Variants in EYA1 observed in about 807,000 individuals in gnomAD.
EYA1 encodes the protein protein phosphatase EYA1.
EYA1 carries 16 observed loss-of-function variants against 82.0 expected under a neutral mutation model. The observed-to-expected ratio is 0.20, with a 90% CI of 0.13 to 0.30. The LOEUF (loss-of-function observed/expected upper bound fraction) is 0.30, where lower values mean the gene tolerates loss of function less well. Among genes scored for constraint, EYA1 ranks in the 10% least tolerant of loss-of-function variants. EYA1 has a pLI of 1.00. For synonymous variants in EYA1, 261 were observed against 264.4 expected (o/e 0.99, Z 0.12); for missense variants, 633 against 730.7 (o/e 0.87, Z 1.54).
chr8:71,489,335 T>G (rs1351561448), intron 2 of EYA1, among the ~76,000 whole-genome samples: 1 of 152,168 alleles, frequency 6.6e-6, no homozygotes, highest in East Asian at 1.9e-4. Context: ...AGTTTCTTTA[T>G]TATTTTTATT....
chr8:71,275,369 T>C (rs1328802571), intron 9 of EYA1, among the ~76,000 whole-genome samples: 1 of 152,108 alleles, frequency 6.6e-6, no homozygotes, highest in African/African-American at 2.4e-5. Context: ...AGAGTATAGG[T>C]GAGAATTCAG....
Position 71,512,403 on chromosome 8 carries a change from A to T in EYA1, c.33+23341T>A, listed in dbSNP as rs1293690161. 2.6e-5 allele frequency among the ~76,000 whole-genome samples: 4 copies of T among 152,114 alleles called. No individual in the cohort carries two copies. The East Asian group carries it at 5.8e-4, about 22-fold the overall frequency. On this transcript the variant is annotated intron_variant, in intron 2 of 18. Coordinates refer to the EYA1 transcript ENST00000643681. ...AAGACTACATGATTTCTTAAAAGAA[A>T]AAAAAAGCTCAGATGAGACAATAAA...
At chr8:71,469,126 T>G (rs961739039) in intron 2 of EYA1, among the ~76,000 whole-genome samples, 1 of 151,650 alleles carries the variant, frequency 6.6e-6, no homozygotes, top group African/African-American at 2.4e-5. Flanking sequence ...ACATATAGTA[T>G]GTTTTAGGCA....
chr8:71,267,695 C>A (rs1022025688), intron 11 of EYA1, among the ~76,000 whole-genome samples: 6 of 152,042 alleles, frequency 3.9e-5, no homozygotes, highest in Non-Finnish European at 8.8e-5. Flanking sequence ...ACTACAGGCA[C>A]CTGCCACCAC....
intron 2 of EYA1, among the ~76,000 whole-genome samples, chr8:71,477,543 A>C (rs11997652): frequency 0.018 from 2,632 of 142,928 alleles, 51 homozygotes; most frequent in African/African-American, 0.069. Context: ...AGGATGACTA[A>C]ATTTTTTTTT....
chr8:71,264,121 T>A (rs945413907), intron 11 of EYA1, among the ~76,000 whole-genome samples: 3 of 152,180 alleles, frequency 2.0e-5, no homozygotes, highest in East Asian at 1.9e-4. Flanking sequence ...AAAAGGGAGA[T>A]CATCCTGGTT....
At chr8:71,209,835 G>A (rs969066387) in intron 17 of EYA1, among the ~76,000 whole-genome samples, 2 of 152,110 alleles carry the variant, frequency 1.3e-5, no homozygotes, top group Non-Finnish European at 1.5e-5. Context: ...AACATTTACA[G>A]AGTACAACTA....
At chr8:71,248,476 T>C (rs1813367517) in intron 11 of EYA1, among the ~76,000 whole-genome samples, 1 of 152,208 alleles carries the variant, frequency 6.6e-6, no homozygotes, top group African/African-American at 2.4e-5. Context: ...TCTGACACTG[T>C]CCATTTCACA....
chr8:71,233,428 G>A (rs929076548), intron 12 of EYA1, among the ~76,000 whole-genome samples: 1 of 151,998 alleles, frequency 6.6e-6, no homozygotes, highest in East Asian at 1.9e-4. Context: ...GTTGGGCGTG[G>A]TGGTGGGCGC....
chr8:71,332,812 A>G (rs1337997568), intron 4 of EYA1, among the ~76,000 whole-genome samples: 2 of 152,164 alleles, frequency 1.3e-5, no homozygotes, highest in Admixed American at 6.6e-5. Context: ...TACACACACC[A>G]GGAACCCTGA....
intron 12 of EYA1, among the ~76,000 whole-genome samples, chr8:71,242,119 T>C (rs1399364311): frequency 2.0e-5 from 3 of 152,064 alleles, no homozygotes; most frequent in Non-Finnish European, 4.4e-5. Context: ...TGAGGCAGAA[T>C]TGCTTGAACC....
chr8:71,403,654 AAG>A (rs1181015829), intron 2 of EYA1: 1 of 152,200 alleles, frequency 6.6e-6, no homozygotes, highest in Non-Finnish European at 1.5e-5. Context: ...ACAGGTGTGA[AAG>A]AACTGCACTG....
At chr8:71,252,497 A>T (rs1813871755) in intron 11 of EYA1, among the ~76,000 whole-genome samples, 1 of 152,086 alleles carries the variant, frequency 6.6e-6, no homozygotes, top group Admixed American at 6.5e-5. Context: ...CCTCATACCA[A>T]TTATTTTTGA....
intron 1 of EYA1, among the ~76,000 whole-genome samples, chr8:71,537,547 G>A (rs1459759771): frequency 1.3e-5 from 2 of 152,106 alleles, no homozygotes; most frequent in Non-Finnish European, 2.9e-5. Context: ...CCTTACATTG[G>A]TAAAATGCTT....
intron 1 of EYA1, among the ~76,000 whole-genome samples, chr8:71,546,627 G>A (rs564646478): frequency 1.3e-5 from 2 of 150,602 alleles, no homozygotes; most frequent in Admixed American, 6.6e-5. Context: ...TCAGCCTCCC[G>A]AGTAGCTGGG....
chr8:71,373,798 C>T (rs528487511), intron 2 of EYA1, among the ~76,000 whole-genome samples: 1 of 152,084 alleles, frequency 6.6e-6, no homozygotes. Context: ...GACACATACA[C>T]CAATGGAACA....
intron 2 of EYA1, among the ~76,000 whole-genome samples, chr8:71,479,040 A>G (rs1407008124): frequency 6.6e-6 from 1 of 152,138 alleles, no homozygotes; most frequent in Non-Finnish European, 1.5e-5. Flanking sequence ...TTCTGCAAAC[A>G]AAAGCCTTAA....
At position 71,245,736 on chromosome 8, in the gene EYA1, G is replaced by C. The variant is rs540312433; in HGVS notation, c.1051-1044C>G. The stretch of plus-strand genomic sequence containing the variant: ...ATCATTATTTGCATTCATTAAACCT[G>C]TCAATTTTAAGTGTACTCAAAGCAG... On this transcript the variant is annotated intron_variant, in intron 11 of 17. Coordinates refer to ENST00000340726, the MANE Select transcript of EYA1 (RefSeq NM_000503.6). Among the ~76,000 whole-genome samples, 12 of 152,182 alleles carry C rather than the reference G, an allele frequency of 7.9e-5. No homozygotes were observed. In the South Asian group the frequency reaches 2.5e-3, roughly 32 times the overall value.
At chr8:71,454,657 T>C (rs764789202) in intron 2 of EYA1, among the ~76,000 whole-genome samples, 37 of 152,306 alleles carry the variant, frequency 2.4e-4, no homozygotes, top group Non-Finnish European at 5.0e-4. Context: ...AACAACCTGC[T>C]CCTGAATGAC....
Sources: allele counts gnomAD v4.1 joint callset (sites outside exome capture counted in the v4.1 genomes callset), GRCh38; gene constraint gnomAD v4.1.1; transcripts MANE v1.5; gene names NCBI Gene and HGNC (gene_info 2026-07-23, HGNC 2026-07-21).